The following IGFBP7 variants were observed in gnomAD, a reference collection of about 807,000 sequenced individuals.
The protein encoded by IGFBP7 is insulin like growth factor binding protein 7, also known as insulin-like growth factor-binding protein 7.
Under a neutral mutation model 29.4 loss-of-function variants are expected in IGFBP7, and 31 were observed. That is an observed-to-expected ratio of 1.05 (90% CI 0.79 to 1.42). IGFBP7 has a LOEUF of 1.42. Among genes scored for constraint, IGFBP7 ranks in the 40% most tolerant of loss-of-function variants. The pLI is 0.00. For synonymous variants in IGFBP7, 172 were observed against 174.9 expected (o/e 0.98, Z 0.13); for missense variants, 393 against 395.5 (o/e 0.99, Z 0.05).
chr4:57,054,590 G>A (rs1407062127), intron 1 of IGFBP7, among the ~76,000 whole-genome samples: 1 of 143,130 alleles, frequency 7.0e-6, no homozygotes, highest in Non-Finnish European at 1.5e-5. Context: ...AGTGCACCAA[G>A]ATCACACCAC....
chr4:57,072,823 G>T, intron 1 of IGFBP7: 1 of 576,864 alleles, frequency 1.7e-6, no homozygotes, highest in South Asian at 1.4e-5. Context: ...ATGAAGACCT[G>T]AGGTATAAGC....
chr4:57,061,571 G>T (rs1724801500), intron 1 of IGFBP7, among the ~76,000 whole-genome samples: 1 of 152,156 alleles, frequency 6.6e-6, no homozygotes, highest in Non-Finnish European at 1.5e-5. Flanking sequence ...TGACAGCGTG[G>T]ATACCCACAC....
intron 1 of IGFBP7, among the ~76,000 whole-genome samples, chr4:57,052,793 G>A (rs1385434132): frequency 6.6e-6 from 1 of 152,082 alleles, no homozygotes; most frequent in East Asian, 1.9e-4. Context: ...CCTCGTTTTG[G>A]GTCCAATCTT....
chr4:57,037,472 C>A (rs1399567048), intron 2 of IGFBP7, among the ~76,000 whole-genome samples: 3 of 151,580 alleles, frequency 2.0e-5, no homozygotes, highest in Non-Finnish European at 4.4e-5. Context: ...ACCTTTTGAG[C>A]TCAAGCGATC....
At chr4:57,108,042 TCAA>T (rs1427243107) in intron 1 of IGFBP7, among the ~76,000 whole-genome samples, 1 of 152,234 alleles carries the variant, frequency 6.6e-6, no homozygotes, top group Non-Finnish European at 1.5e-5. Flanking sequence ...TAAGAAAATC[TCAA>T]TATTTGGAAT....
At chr4:57,082,422 G>C (rs1725390859) in intron 1 of IGFBP7, among the ~76,000 whole-genome samples, 1 of 152,152 alleles carries the variant, frequency 6.6e-6, no homozygotes, top group Non-Finnish European at 1.5e-5. Flanking sequence ...ATGATACAGG[G>C]AAGTGGTTAG....
intron 1 of IGFBP7, among the ~76,000 whole-genome samples, chr4:57,091,249 C>A (rs567521785): frequency 2.2e-4 from 34 of 152,278 alleles, no homozygotes; most frequent in African/African-American, 7.9e-4. Flanking sequence ...AGAGTATTAA[C>A]TATGCAGGGA....
chr4:57,076,350 C>T (rs751867298), intron 1 of IGFBP7, among the ~76,000 whole-genome samples: 4 of 152,170 alleles, frequency 2.6e-5, no homozygotes, highest in African/African-American at 7.2e-5. Context: ...AATTCTTGCT[C>T]AAAGCACAAA....
rs192666855 is a variant in IGFBP7 at position 57,047,480 on chromosome 4, A to G, written c.476-6547T>C. Reference sequence around the variant, plus strand: ...GGAGAAGGAGAAGAAAGAAAAAATGAAGAAAGATAGCCAGATCCTGAAGGA... The same window carrying G: ...GGAGAAGGAGAAGAAAGAAAAAATGGAGAAAGATAGCCAGATCCTGAAGGA... On this transcript the variant is annotated intron_variant, in intron 1 of 4. Transcript: ENST00000295666. 7.2e-5 allele frequency among the ~76,000 whole-genome samples: 11 copies of G among 152,354 alleles called. No individual in the cohort carries two copies. In the East Asian group the frequency reaches 1.9e-3, roughly 27 times the overall value.
intron 2 of IGFBP7, among the ~76,000 whole-genome samples, chr4:57,038,641 G>A (rs745710701): frequency 2.0e-5 from 3 of 152,174 alleles, no homozygotes; most frequent in Non-Finnish European, 2.9e-5. Context: ...AAGTAAGGCA[G>A]CTTAAAATGG....
At chr4:57,044,268 G>A (rs1724306519) in intron 1 of IGFBP7, among the ~76,000 whole-genome samples, 1 of 152,178 alleles carries the variant, frequency 6.6e-6, no homozygotes, top group Non-Finnish European at 1.5e-5. Context: ...GTGCTAATGG[G>A]CAAGTTCCAG....
chr4:57,040,000 T>C (rs1294747658), intron 2 of IGFBP7, among the ~76,000 whole-genome samples: 1 of 152,164 alleles, frequency 6.6e-6, no homozygotes, highest in African/African-American at 2.4e-5. Flanking sequence ...TATCATGCTT[T>C]TTCCACTTGG....
At chr4:57,087,360 G>C (rs1387554845) in intron 1 of IGFBP7, among the ~76,000 whole-genome samples, 1 of 152,208 alleles carries the variant, frequency 6.6e-6, no homozygotes, top group African/African-American at 2.4e-5. Context: ...GGAAAACACT[G>C]CCAACCCTTG....
At chr4:57,088,508 C>T (rs1461753010) in intron 1 of IGFBP7, among the ~76,000 whole-genome samples, 1 of 152,068 alleles carries the variant, frequency 6.6e-6, no homozygotes, top group Non-Finnish European at 1.5e-5. Flanking sequence ...AGTTATCCCT[C>T]CAGAAAAAGA....
chr4:57,056,591 G>A (rs115959717), intron 1 of IGFBP7, among the ~76,000 whole-genome samples: 1 of 152,302 alleles, frequency 6.6e-6, no homozygotes, highest in Non-Finnish European at 1.5e-5. Flanking sequence ...TCTGATCACA[G>A]GAGAGGAGGA....
intron 1 of IGFBP7, among the ~76,000 whole-genome samples, chr4:57,069,490 T>C (rs909042856): frequency 5.9e-5 from 9 of 152,156 alleles, no homozygotes; most frequent in Admixed American, 2.6e-4. Context: ...CCTTGTGCTG[T>C]CTTTTTAAGT....
In IGFBP7 at chr4:57,031,066, A is replaced by C. The variant is rs1723905284; in HGVS notation, c.*251T>G. 8 of 906,270 alleles carry C rather than the reference A, an allele frequency of 8.8e-6. No individual in the cohort carries two copies. Among genetic ancestry groups the C allele is most frequent in the Non-Finnish European group, 1.5e-5 (8 of 539,630 alleles). 56.1% of individuals were successfully genotyped at this position (906,270 alleles called of 1,614,324 possible). On this transcript the variant is annotated 3_prime_UTR_variant, in exon 5 of 5. Transcript: ENST00000295666. ...TTGTGTGGCTTTTTAAAAATGACAA[A>C]TATGTACTGTGTTGTGATAAAAAGT...
intron 1 of IGFBP7, among the ~76,000 whole-genome samples, chr4:57,044,476 T>C (rs1321090506): frequency 2.6e-5 from 4 of 152,240 alleles, no homozygotes; most frequent in Non-Finnish European, 5.9e-5. Context: ...ACAAGCTTTA[T>C]GGTTTTACTT....
chr4:57,056,745 A>C (rs1724683494), intron 1 of IGFBP7, among the ~76,000 whole-genome samples: 1 of 152,240 alleles, frequency 6.6e-6, no homozygotes, highest in South Asian at 2.1e-4. Flanking sequence ...GGTGAAGCAA[A>C]GCTATGCCAA....
Sources: gnomAD v4.1 joint callset for allele counts (sites outside exome capture counted in the v4.1 genomes callset) on GRCh38, gnomAD v4.1.1 for gene constraint, MANE v1.5 for transcripts, NCBI Gene and HGNC (gene_info 2026-07-23, HGNC 2026-07-21) for gene names.